Variants in PIK3C2G observed in about 807,000 individuals in gnomAD.
PIK3C2G encodes phosphatidylinositol 3-kinase C2 domain-containing subunit gamma.
In PIK3C2G, 168 loss-of-function variants were observed where a neutral mutation model predicts 181.1. That is an observed-to-expected ratio of 0.93 (90% CI 0.82 to 1.05). PIK3C2G has a LOEUF of 1.05. Among genes scored for constraint, PIK3C2G ranks in the 50% least tolerant of loss-of-function variants. The pLI is 0.00. For missense variants in PIK3C2G, 1,869 were observed against 1,732.8 expected (o/e 1.08, Z -1.40); for synonymous variants, 573 against 592.2 (o/e 0.97, Z 0.47).
At chr12:18,721,620 A>G in the PIK3C2G span, among the ~76,000 whole-genome samples, 1 of 151,930 alleles carries the variant, frequency 6.6e-6, no homozygotes, top group African/African-American at 2.4e-5. Flanking sequence ...TAAAGTGCTC[A>G]TCTGTAAACT....
intron 29 of PIK3C2G, among the ~76,000 whole-genome samples, chr12:18,568,624 A>G (rs1283366758): frequency 1.3e-5 from 2 of 152,128 alleles, no homozygotes; most frequent in East Asian, 3.9e-4. Context: ...AGGCCTACCC[A>G]TATTATGAAG....
chr12:18,444,350 G>A (rs1946909943), intron 18 of PIK3C2G, among the ~76,000 whole-genome samples: 3 of 152,044 alleles, frequency 2.0e-5, no homozygotes, highest in Non-Finnish European at 4.4e-5. Context: ...TTTATCAATT[G>A]TTTGGTATTT....
intron 7 of PIK3C2G, among the ~76,000 whole-genome samples, chr12:18,324,741 G>T (rs115198357): frequency 1.3e-5 from 2 of 152,076 alleles, no homozygotes; most frequent in Non-Finnish European, 2.9e-5. Flanking sequence ...TGCAACTTAC[G>T]GTTTGAATTA....
chr12:18,340,300 T>A (rs1205670936), intron 9 of PIK3C2G, among the ~76,000 whole-genome samples: 1 of 151,938 alleles, frequency 6.6e-6, no homozygotes, highest in Non-Finnish European at 1.5e-5. Flanking sequence ...AAAAAAAATC[T>A]CATAATGTTT....
chr12:18,652,945 GAGAA>G (rs1378347257), downstream of PIK3C2G, among the ~76,000 whole-genome samples: 105 of 151,696 alleles, frequency 6.9e-4, no homozygotes, highest in African/African-American at 2.4e-3. Flanking sequence ...GAGAGAGAGA[GAGAA>G]AGAGAGAGAC....
rs151273116 is a variant in PIK3C2G at position 18,342,155 on chromosome 12, T to G, written c.1396-1172T>G. Among the ~76,000 whole-genome samples, 27 of 152,236 alleles carry G rather than the reference T, an allele frequency of 1.8e-4. 1 individual carries two copies. Among genetic ancestry groups the G allele is most frequent in the African/African-American group, 6.3e-4 (26 of 41,566 alleles). On this transcript the variant is annotated intron_variant, in intron 9 of 32. Coordinates refer to ENST00000538779, the MANE Select transcript of PIK3C2G (RefSeq NM_001288772.2). ...GTTTATATTTCTAAATAAATTGAAT[T>G]TTAGTTAAATCAGTCTAACATTTTT...
the PIK3C2G span, chr12:18,701,640 T>A: frequency 6.4e-7 from 1 of 1,573,302 alleles, no homozygotes; most frequent in Non-Finnish European, 8.6e-7. Context: ...CTCCTCCTCC[T>A]CCTCCTCCTC....
At chr12:18,273,413 C>T (rs949175702) in intron 1 of PIK3C2G, among the ~76,000 whole-genome samples, 5 of 151,962 alleles carry the variant, frequency 3.3e-5, no homozygotes, top group African/African-American at 1.2e-4. Context: ...GCGTGATGCC[C>T]CCAGCTTTGT....
At chr12:18,630,286 G>A (rs1206687331) in intron 31 of PIK3C2G, among the ~76,000 whole-genome samples, 1 of 152,074 alleles carries the variant, frequency 6.6e-6, no homozygotes, top group African/African-American at 2.4e-5. Flanking sequence ...CAGCTACTTG[G>A]GAGGCTGAGG....
At chr12:18,533,007 A>G (rs1212203158) in intron 24 of PIK3C2G, among the ~76,000 whole-genome samples, 1 of 152,022 alleles carries the variant, frequency 6.6e-6, no homozygotes, top group East Asian at 1.9e-4. Context: ...GAAAACCCAG[A>G]AAACTCACCT....
chr12:18,378,556 A>G (rs976038695), intron 13 of PIK3C2G, among the ~76,000 whole-genome samples: 1 of 152,228 alleles, frequency 6.6e-6, no homozygotes, highest in Non-Finnish European at 1.5e-5. Context: ...ACAGCAAAAG[A>G]AACTACCATC....
At chr12:18,607,614 A>T (rs1948099697) in intron 30 of PIK3C2G, among the ~76,000 whole-genome samples, 1 of 152,226 alleles carries the variant, frequency 6.6e-6, no homozygotes, top group African/African-American at 2.4e-5. Flanking sequence ...AAACCTAGGC[A>T]ATACCATTCA....
chr12:18,659,204 C>A, the PIK3C2G span, among the ~76,000 whole-genome samples: 1 of 152,098 alleles, frequency 6.6e-6, no homozygotes, highest in African/African-American at 2.4e-5. Flanking sequence ...CAAAAACTAG[C>A]CAACTTTAGG....
At chr12:18,480,549 C>T (rs1225986888) in intron 18 of PIK3C2G, among the ~76,000 whole-genome samples, 1 of 152,080 alleles carries the variant, frequency 6.6e-6, no homozygotes, top group Non-Finnish European at 1.5e-5. Context: ...ATGTGGGGCT[C>T]AGACATTGGA....
chr12:18,387,596 G>A (rs1034818728), intron 14 of PIK3C2G, among the ~76,000 whole-genome samples: 1 of 151,836 alleles, frequency 6.6e-6, no homozygotes, highest in South Asian at 2.1e-4. Context: ...TTCCACCCAC[G>A]GACCCTCTAG....
chr12:18,503,403 G>A lies in PIK3C2G; in HGVS notation c.3139G>A (p.Ala1047Thr). ...GTTCAGTCAGCACAACCACTTAAAG[G>A]CAGATTATGAAAAGGTTTGTCCTGT... ...KWFSQHNHLK[A>T]DYEKALRNFF... Residue 1047 changes from alanine to threonine, a missense_variant, in exon 23 of 33, where the codon GCA becomes ACA. By Grantham distance (58) the Ala-to-Thr change is moderately conservative. Coordinates refer to ENST00000538779, the MANE Select transcript of PIK3C2G (RefSeq NM_001288772.2). 1.2e-6 allele frequency: 2 copies of A among 1,604,998 alleles called. No individual in the cohort carries two copies. The highest frequency in any genetic ancestry group is 1.7e-6 in the Non-Finnish European group (2 of 1,175,212).
rs779075084 is a variant in PIK3C2G at position 18,282,537 on chromosome 12, T to C, written c.456T>C (p.Asp152=). The change falls in exon 2 of 33, where the codon GAT becomes GAC. Residue 152 remains aspartate (D), a synonymous_variant. Coordinates refer to ENST00000538779, the MANE Select transcript of PIK3C2G (RefSeq NM_001288772.2). ...SILAPSFTSL[D]KINLEKELEN... is the part of the protein sequence containing the mutation. ...TAGCTCCATCATTCACAAGTTTGGA[T>C]AAAATTAATCTAGAGAAAGAATTAG... 5.6e-6 allele frequency: 9 copies of C among 1,611,472 alleles called. No homozygotes were observed. The highest frequency in any genetic ancestry group is 6.8e-6 in the Non-Finnish European group (8 of 1,178,230).
chr12:18,246,517 G>A (rs556063567), upstream of PIK3C2G, among the ~76,000 whole-genome samples: 6 of 151,824 alleles, frequency 4.0e-5, no homozygotes, highest in Non-Finnish European at 8.8e-5. Flanking sequence ...TCAAAGATCT[G>A]GGTTAGATTC....
chr12:18,347,436 A>G (rs974061033), intron 11 of PIK3C2G, among the ~76,000 whole-genome samples: 3 of 152,202 alleles, frequency 2.0e-5, no homozygotes, highest in Admixed American at 2.0e-4. Flanking sequence ...AGTTGATAAG[A>G]TAGTAATTTG....
Sources: gnomAD v4.1 joint callset for allele counts (sites outside exome capture counted in the v4.1 genomes callset) on GRCh38, gnomAD v4.1.1 for gene constraint, MANE v1.5 for transcripts, NCBI Gene and HGNC (gene_info 2026-07-23, HGNC 2026-07-21) for gene names.